MCTP2: variants seen among roughly 807,000 people sequenced by gnomAD.
The protein encoded by MCTP2 is multiple C2 and transmembrane domain containing 2, also known as multiple C2 and transmembrane domain-containing protein 2.
A neutral mutation model predicts 111.6 loss-of-function variants in MCTP2; 132 were observed. That is an observed-to-expected ratio of 1.18 (90% confidence interval 1.03 to 1.37). The LOEUF is 1.37. Ranked by LOEUF, MCTP2 falls within the 40% of genes most tolerant of loss-of-function variation. The pLI is 0.00. For synonymous variants in MCTP2, 395 were observed against 387.7 expected, an observed-to-expected ratio of 1.02 and a Z score of -0.22; for missense variants, 1,183 against 1,067.9, an observed-to-expected ratio of 1.11 and a Z score of -1.50.
chr15:94,472,680 G>C (rs1361319532), intron 21 of MCTP2, among the ~76,000 whole-genome samples: 1 of 152,194 alleles, frequency 6.6e-6, no homozygotes, highest in Non-Finnish European at 1.5e-5. Context: ...ATTTTAAACA[G>C]AAGCTCATAG....
chr15:94,475,465 A>C (rs1324208107), intron 21 of MCTP2, among the ~76,000 whole-genome samples: 1 of 152,200 alleles, frequency 6.6e-6, no homozygotes, highest in East Asian at 1.9e-4. Context: ...GCAAAATAAT[A>C]CTTAATGAAC....
intron 5 of MCTP2, 47 bp downstream of exon 5, chr15:94,339,479 C>T: frequency 6.7e-7 from 1 of 1,503,200 alleles, no homozygotes; most frequent in Non-Finnish European, 8.9e-7. Flanking sequence ...AAAAACATTT[C>T]TCAGCAGTTT....
At chr15:94,292,746 C>T (rs552786007) in intron 1 of MCTP2, 75 of 152,186 alleles carry the variant, frequency 4.9e-4, no homozygotes, top group African/African-American at 1.6e-3. Context: ...TCTTTTTAAT[C>T]GAGAGTAACT....
intron 1 of MCTP2, among the ~76,000 whole-genome samples, chr15:94,246,290 A>G (rs548549293): frequency 6.6e-6 from 1 of 152,192 alleles, no homozygotes; most frequent in Non-Finnish European, 1.5e-5. Flanking sequence ...CAGCTCTACT[A>G]TGTAGTAATT....
intron 12 of MCTP2, among the ~76,000 whole-genome samples, chr15:94,375,201 A>T (rs745433665): frequency 1.2e-4 from 18 of 152,162 alleles, no homozygotes; most frequent in African/African-American, 4.3e-4. Flanking sequence ...TTAAATAACC[A>T]GATCTCTTGA....
Position 94,483,139 on chromosome 15 carries a change from G to T in MCTP2, c.*4105G>T, listed in dbSNP as rs2074808179. 6.6e-6 allele frequency: 1 copy of T among 152,174 alleles called. No individual in the cohort carries two copies. The highest frequency in any genetic ancestry group is 2.1e-4 in the South Asian group (1 of 4,826). 9.4% of individuals were successfully genotyped at this position (152,174 alleles called of 1,614,324 possible). Reference sequence around the variant, plus strand: ...GGGATTATTTTAGTAAGAAAACAGAGGTGTCATGACCTCAGTGTAACCCTA... The same window carrying T: ...GGGATTATTTTAGTAAGAAAACAGATGTGTCATGACCTCAGTGTAACCCTA... On this transcript the variant is annotated 3_prime_UTR_variant, in exon 23 of 23. Transcript: ENST00000357742.
At chr15:94,441,723 G>T (rs1362639558) in intron 18 of MCTP2, among the ~76,000 whole-genome samples, 1 of 152,194 alleles carries the variant, frequency 6.6e-6, no homozygotes, top group Non-Finnish European at 1.5e-5. Flanking sequence ...GTGACGAAGT[G>T]ATTTGCCTAA....
chr15:94,473,280 A>G (rs765540203), intron 21 of MCTP2, among the ~76,000 whole-genome samples: 1 of 152,180 alleles, frequency 6.6e-6, no homozygotes. Flanking sequence ...TAGTGCAGCC[A>G]CATTTATGTA....
At chr15:94,348,921 G>A (rs2078145921) in intron 8 of MCTP2, among the ~76,000 whole-genome samples, 1 of 152,024 alleles carries the variant, frequency 6.6e-6, no homozygotes, top group Non-Finnish European at 1.5e-5. Context: ...TTGGAGAACT[G>A]AATACTCAAA....
intron 3 of MCTP2, chr15:94,314,978 A>G (rs1398862567): frequency 6.1e-6 from 2 of 330,480 alleles, no homozygotes; most frequent in East Asian, 1.6e-4. Flanking sequence ...TTGGGGACCC[A>G]GGGAAGAGCA....
intron 14 of MCTP2, among the ~76,000 whole-genome samples, chr15:94,385,864 A>T (rs1167819295): frequency 6.6e-6 from 1 of 152,232 alleles, no homozygotes; most frequent in East Asian, 1.9e-4. Flanking sequence ...TATTAATGAA[A>T]AACACACATG....
At chr15:94,243,170 C>CGTAT (rs2071184827) in intron 1 of MCTP2, among the ~76,000 whole-genome samples, 1 of 125,594 alleles carries the variant, frequency 8.0e-6, no homozygotes, top group Non-Finnish European at 1.7e-5. Context: ...TATATACATA[C>CGTAT]GTACGTATGT....
At chr15:94,259,571 T>A (rs1045007372) in intron 1 of MCTP2, among the ~76,000 whole-genome samples, 1 of 152,192 alleles carries the variant, frequency 6.6e-6, no homozygotes, top group African/African-American at 2.4e-5. Context: ...TAAGTTTGAA[T>A]TGTGATATGT....
At chr15:94,360,088 C>A (rs2078842702) in intron 10 of MCTP2, among the ~76,000 whole-genome samples, 1 of 152,066 alleles carries the variant, frequency 6.6e-6, no homozygotes, top group Non-Finnish European at 1.5e-5. Context: ...CCCTTTTTTT[C>A]ATCACACGTG....
intron 1 of MCTP2, among the ~76,000 whole-genome samples, chr15:94,232,805 C>G (rs904925245): frequency 4.6e-5 from 7 of 152,194 alleles, no homozygotes; most frequent in African/African-American, 1.7e-4. Flanking sequence ...GAGTCTCTGT[C>G]ATTAGCCTGA....
At chr15:94,271,717 T>G (rs1280427936) in intron 1 of MCTP2, among the ~76,000 whole-genome samples, 1 of 152,230 alleles carries the variant, frequency 6.6e-6, no homozygotes, top group Non-Finnish European at 1.5e-5. Context: ...TGTGATGATT[T>G]CTTTAAAATA....
At chr15:94,305,652 T>C (rs997478214) in intron 2 of MCTP2, among the ~76,000 whole-genome samples, 2 of 152,226 alleles carry the variant, frequency 1.3e-5, no homozygotes, top group Non-Finnish European at 2.9e-5. Context: ...CTTGCTTATA[T>C]GATATGCATG....
rs117173904 is a variant in MCTP2, at chr15:94,399,490, G to A, written c.1890+428G>A. ...AAATGGCTCATTGACTTATTTTTCC[G>A]GGTCATTGAAAGGAAATAAAATTCT... On this transcript the variant is annotated intron_variant, in intron 15 of 22. Transcript: ENST00000357742. 238 of 169,682 alleles carry A rather than the reference G, an allele frequency of 1.4e-3. 4 individuals carry two copies. Among genetic ancestry groups the A allele is most frequent in the Middle Eastern group, 2.9e-3 (1 of 340 alleles). The allele number at this position is 169,682 out of a possible 1,614,324, so 10.5% of individuals were successfully genotyped here.
Position 94,243,783 on chromosome 15 carries a change from A to G in MCTP2, c.-66+12119A>G, listed in dbSNP as rs1317524041. ...TATGTGTATATATTTATGAACATAT[A>G]TATGTATATACACATATGCGTATAT... is the stretch of plus-strand genomic sequence containing the variant. On this transcript the variant is annotated intron_variant, in intron 1 of 22. Coordinates refer to ENST00000357742, the MANE Select transcript of MCTP2 (RefSeq NM_001385001.1). Among the ~76,000 whole-genome samples the G allele has an allele frequency of 3.4e-5, 5 of 148,274 alleles. No individual in the cohort carries two copies. In the South Asian group the frequency reaches 1.1e-3, roughly 31 times the overall value.
Sources: allele counts gnomAD v4.1 joint callset (sites outside exome capture counted in the v4.1 genomes callset), GRCh38; gene constraint gnomAD v4.1.1; transcripts MANE v1.5; gene names NCBI Gene and HGNC (gene_info 2026-07-23, HGNC 2026-07-21).